Variants in PSMD14 observed in about 807,000 individuals in gnomAD.
PSMD14 encodes the protein proteasome 26S subunit, non-ATPase 14.
Under a neutral mutation model 41.2 loss-of-function variants are expected in PSMD14, and 7 were observed. The observed-to-expected ratio is 0.17, with a 90% confidence interval of 0.10 to 0.32. The LOEUF (loss-of-function observed/expected upper bound fraction) is 0.32. Ranked by LOEUF, PSMD14 falls within the 10% of genes least tolerant of loss-of-function variation. The pLI, the probability that PSMD14 is intolerant of heterozygous loss-of-function variation, is 1.00. For synonymous variants in PSMD14, 114 were observed against 122.3 expected (o/e 0.93, Z 0.45); for missense variants, 139 against 375.6 (o/e 0.37, Z 5.21).
intron 3 of PSMD14, among the ~76,000 whole-genome samples, chr2:161,319,720 A>G (rs1689182951): frequency 6.6e-6 from 1 of 152,146 alleles, no homozygotes; most frequent in Admixed American, 6.5e-5. Flanking sequence ...GCTATCAGTG[A>G]CTTCATCTTT....
At chr2:161,350,300 G>A (rs1379904913) in intron 3 of PSMD14, among the ~76,000 whole-genome samples, 1 of 152,056 alleles carries the variant, frequency 6.6e-6, no homozygotes, top group Non-Finnish European at 1.5e-5. Flanking sequence ...ATACAGCCTG[G>A]GATGTACTTA....
At chr2:161,409,320 G>C (rs972135823) in intron 11 of PSMD14, among the ~76,000 whole-genome samples, 6 of 152,070 alleles carry the variant, frequency 3.9e-5, no homozygotes, top group Non-Finnish European at 7.4e-5. Flanking sequence ...TGAGTGAAGA[G>C]AAAGGGCTTT....
At chr2:161,402,192 C>A (rs1369701777) in intron 10 of PSMD14, among the ~76,000 whole-genome samples, 1 of 152,152 alleles carries the variant, frequency 6.6e-6, no homozygotes, top group African/African-American at 2.4e-5. Context: ...CCAGTCTTTC[C>A]CTTTCAAATC....
intron 3 of PSMD14, among the ~76,000 whole-genome samples, chr2:161,328,788 C>G (rs899543867): frequency 6.6e-6 from 1 of 151,956 alleles, no homozygotes; most frequent in African/African-American, 2.4e-5. Flanking sequence ...ACAACAAATT[C>G]ATGAAAAAAG....
chr2:161,321,089 A>G lies in PSMD14; in HGVS notation c.48+2216A>G, dbSNP rs373159775. On this transcript the variant is annotated intron_variant, in intron 3 of 11. Transcript: ENST00000409682. ...TTGATAATAGCTATCTTTTCATTAG[A>G]TAAGGCATAGGCACCAATAGTAGTA... 5.0e-4 allele frequency among the ~76,000 whole-genome samples: 76 copies of G among 152,334 alleles called. No individual in the cohort carries two copies. In the South Asian group the frequency reaches 0.015, roughly 29 times the overall value.
intron 3 of PSMD14, among the ~76,000 whole-genome samples, chr2:161,344,060 G>C (rs992598823): frequency 2.7e-5 from 4 of 147,346 alleles, no homozygotes; most frequent in Non-Finnish European, 6.0e-5. Flanking sequence ...GTGTATGGAG[G>C]ATGGGCATTG....
intron 8 of PSMD14, among the ~76,000 whole-genome samples, chr2:161,389,271 G>A (rs754376810): frequency 1.3e-5 from 2 of 152,246 alleles, no homozygotes; most frequent in East Asian, 1.9e-4. Context: ...TGAGTGCATC[G>A]CGCAAATGTG....
chr2:161,324,814 A>G lies in PSMD14; in HGVS notation c.48+5941A>G, dbSNP rs115964825. On this transcript the variant is annotated intron_variant, in intron 3 of 11. Transcript: ENST00000409682. ...TTGTGACTTTCAACCTTCCAGGCAT[A>G]TAACAGGATTATATTTTTCTGTCAT... Among the ~76,000 whole-genome samples, 1,240 of 152,280 alleles carry G rather than the reference A, an allele frequency of 8.1e-3. 18 individuals carry two copies. Among genetic ancestry groups the G allele is most frequent in the African/African-American group, 0.028 (1,149 of 41,568 alleles).
At chr2:161,310,560 TTAAA>T (rs200100969) in intron 1 of PSMD14, among the ~76,000 whole-genome samples, 2,965 of 152,322 alleles carry the variant, frequency 0.019, 33 homozygotes, top group South Asian at 0.049. Flanking sequence ...GAGAACTTGA[TTAAA>T]TAATCTCTTC....
chr2:161,372,170 A>G (rs1683444387), intron 7 of PSMD14, among the ~76,000 whole-genome samples: 1 of 152,066 alleles, frequency 6.6e-6, no homozygotes, highest in East Asian at 1.9e-4. Flanking sequence ...ACTGCTTTAA[A>G]ATACTGCTGA....
intron 3 of PSMD14, among the ~76,000 whole-genome samples, chr2:161,337,783 G>C (rs924816160): frequency 7.9e-5 from 12 of 152,210 alleles, no homozygotes; most frequent in African/African-American, 2.9e-4. Flanking sequence ...AAGGGGATTA[G>C]ACTATGGATC....
At chr2:161,316,596 T>C (rs1461660370) in intron 2 of PSMD14, 27 bp downstream of exon 2, 1 of 152,200 alleles carries the variant, frequency 6.6e-6, no homozygotes, top group Non-Finnish European at 1.5e-5. Context: ...TATTTTACTT[T>C]TAATTATTAT....
At chr2:161,368,187 C>T (rs948590278) in intron 5 of PSMD14, among the ~76,000 whole-genome samples, 2 of 151,358 alleles carry the variant, frequency 1.3e-5, no homozygotes, top group African/African-American at 4.8e-5. Flanking sequence ...AGTTACTTAC[C>T]CTATAATAGC....
chr2:161,389,819 C>T (rs1041943623), intron 8 of PSMD14, among the ~76,000 whole-genome samples: 9 of 149,722 alleles, frequency 6.0e-5, no homozygotes, highest in African/African-American at 2.2e-4. Context: ...TTCAGATCCC[C>T]ATCTAGCCTT....
intron 3 of PSMD14, among the ~76,000 whole-genome samples, chr2:161,324,468 T>C (rs946807493): frequency 6.6e-6 from 1 of 152,144 alleles, no homozygotes; most frequent in Non-Finnish European, 1.5e-5. Context: ...GAAATATGTG[T>C]CAAGGCATAT....
At chr2:161,332,322 A>G (rs993421690) in intron 3 of PSMD14, among the ~76,000 whole-genome samples, 1 of 152,236 alleles carries the variant, frequency 6.6e-6, no homozygotes, top group African/African-American at 2.4e-5. Flanking sequence ...TTACGTCTTT[A>G]AAACGTTTTC....
chr2:161,312,040 A>T (rs1483969077), intron 1 of PSMD14, among the ~76,000 whole-genome samples: 1 of 152,200 alleles, frequency 6.6e-6, no homozygotes, highest in African/African-American at 2.4e-5. Flanking sequence ...GAGAATATGA[A>T]GTTTTAACTA....
intron 3 of PSMD14, 84 bp from the exon 4 acceptor site, chr2:161,367,394 T>G: frequency 9.0e-7 from 1 of 1,106,134 alleles, no homozygotes; most frequent in Non-Finnish European, 1.3e-6. Flanking sequence ...TTTAAAAATA[T>G]CAAGTTTATA....
intron 3 of PSMD14, among the ~76,000 whole-genome samples, chr2:161,320,339 G>A (rs190566671): frequency 1.4e-4 from 22 of 152,234 alleles, no homozygotes; most frequent in African/African-American, 5.1e-4. Flanking sequence ...ATGAAATAAT[G>A]GTTTTACTGA....
Sources: allele counts gnomAD v4.1 joint callset (sites outside exome capture counted in the v4.1 genomes callset), GRCh38; gene constraint gnomAD v4.1.1; transcripts MANE v1.5; gene names NCBI Gene and HGNC (gene_info 2026-07-23, HGNC 2026-07-21).